Variants in AP1S3 observed in about 807,000 individuals in gnomAD.
The protein encoded by AP1S3 is adaptor related protein complex 1 subunit sigma 3, also known as AP-1 complex subunit sigma-3.
In AP1S3, 10 loss-of-function variants were observed where a neutral mutation model predicts 20.9. The observed-to-expected ratio is 0.48, with a 90% confidence interval of 0.29 to 0.81. The LOEUF (loss-of-function observed/expected upper bound fraction) is 0.81. Among genes scored for constraint, AP1S3 ranks in the 30% least tolerant of loss-of-function variants. The pLI is 0.08. For synonymous variants in AP1S3, 41 were observed against 61.5 expected (o/e 0.67, Z 1.56); for missense variants, 154 against 183.8 (o/e 0.84, Z 0.94).
chr2:223,808,977 A>G (rs1039403095), intron 1 of AP1S3, among the ~76,000 whole-genome samples: 4 of 152,254 alleles, frequency 2.6e-5, no homozygotes, highest in African/African-American at 9.6e-5. Context: ...CCTGGATGAC[A>G]CAGGGAGACC....
intron 1 of AP1S3, among the ~76,000 whole-genome samples, chr2:223,813,329 G>A (rs1038927417): frequency 5.9e-5 from 9 of 152,090 alleles, no homozygotes; most frequent in Admixed American, 4.6e-4. Flanking sequence ...CCTGGAGATG[G>A]TGTTCAGCCT....
intron 1 of AP1S3, among the ~76,000 whole-genome samples, chr2:223,802,693 A>G (rs1691496942): frequency 6.6e-6 from 1 of 152,036 alleles, no homozygotes; most frequent in Non-Finnish European, 1.5e-5. Context: ...ACTTTCATTT[A>G]CTCTGAAACA....
intron 1 of AP1S3, among the ~76,000 whole-genome samples, chr2:223,790,033 A>T (rs1184288194): frequency 1.3e-5 from 2 of 152,152 alleles, no homozygotes; most frequent in Non-Finnish European, 2.9e-5. Flanking sequence ...AAGCCCATCA[A>T]CACGAAACTT....
At chr2:223,814,207 G>A (rs1275595582) in intron 1 of AP1S3, among the ~76,000 whole-genome samples, 4 of 152,170 alleles carry the variant, frequency 2.6e-5, no homozygotes, top group African/African-American at 9.6e-5. Flanking sequence ...GTGACTCTGG[G>A]AGAAAGACTT....
intron 1 of AP1S3, among the ~76,000 whole-genome samples, chr2:223,817,607 CAA>C (rs748661983): frequency 0.011 from 875 of 81,176 alleles, 21 homozygotes; most frequent in African/African-American, 0.038. Flanking sequence ...GACTCCGTCT[CAA>C]AAAAAAAAAA....
At chr2:223,823,877 G>C (rs1692054864) in intron 1 of AP1S3, among the ~76,000 whole-genome samples, 1 of 152,138 alleles carries the variant, frequency 6.6e-6, no homozygotes, top group Non-Finnish European at 1.5e-5. Context: ...ATTTTTATGT[G>C]TCAGTTTTTA....
intron 1 of AP1S3, among the ~76,000 whole-genome samples, chr2:223,820,736 T>C (rs1253612411): frequency 1.3e-5 from 2 of 151,522 alleles, no homozygotes; most frequent in African/African-American, 4.9e-5. Flanking sequence ...GGAGAAAATT[T>C]CCTTTGCAAA....
At chr2:223,772,510 G>T (rs1003314915) in intron 3 of AP1S3, among the ~76,000 whole-genome samples, 6 of 152,168 alleles carry the variant, frequency 3.9e-5, no homozygotes, top group Non-Finnish European at 7.3e-5. Context: ...AATATGGCAG[G>T]TATCTAAATC....
At position 223,756,129 on chromosome 2, in the gene AP1S3, G is replaced by C. The variant is rs888973494; in HGVS notation, c.*2586C>G. ...CAAGGCGGGCGGATCACCTGAGGTC[G>C]GCGTTCAAGACCAGCCTGACCAACA... On this transcript the variant is annotated 3_prime_UTR_variant, in exon 5 of 5. Transcript: ENST00000396654. 8 of 766,098 alleles carry C rather than the reference G, an allele frequency of 1.0e-5. No homozygotes were observed. In the African/African-American group the frequency reaches 1.5e-4, roughly 15 times the overall value. The allele number at this position is 766,098 out of a possible 1,614,324, so 47.5% of individuals were successfully genotyped here.
chr2:223,814,040 T>C (rs962460604), intron 1 of AP1S3, among the ~76,000 whole-genome samples: 3 of 152,258 alleles, frequency 2.0e-5, no homozygotes, highest in Non-Finnish European at 4.4e-5. Context: ...CATTAACTTG[T>C]TAAGCACAAG....
intron 1 of AP1S3, among the ~76,000 whole-genome samples, chr2:223,811,672 T>C (rs1050087690): frequency 1.4e-4 from 21 of 152,228 alleles, no homozygotes; most frequent in African/African-American, 4.6e-4. Context: ...AATACAACTA[T>C]TGATGCTGGG....
chr2:223,778,709 TC>T (rs370650885), intron 1 of AP1S3, among the ~76,000 whole-genome samples: 2,452 of 150,520 alleles, frequency 0.016, 81 homozygotes, highest in African/African-American at 0.057. Flanking sequence ...TTTTTTTTTT[TC>T]TTTTGAGACA....
intron 3 of AP1S3, among the ~76,000 whole-genome samples, chr2:223,770,532 C>CACACACACA (rs60585278): frequency 0.12 from 10,553 of 89,312 alleles, 752 homozygotes; most frequent in East Asian, 0.22. Context: ...ACACACACAC[C>CACACACACA]CCTTGATATA....
Position 223,837,488 on chromosome 2 carries a change from GGAGCGCTGGAGAAGCGAGGGCGAGAGGC to G in AP1S3, c.-66_-39del. On this transcript the variant is annotated 5_prime_UTR_variant, in exon 1 of 5. Transcript: ENST00000396654. ...GCCGCCTCCCCCGCCTTGCGAGCAAGGAGCGCTGGAGAAGCGAGGGCGAGAGGCGAGCGCTGGAGCCGGTGCGGCTGAC... is the reference window on the plus strand; with the variant it reads ...GCCGCCTCCCCCGCCTTGCGAGCAAGGAGCGCTGGAGCCGGTGCGGCTGAC... 1.6e-6 allele frequency: 2 copies of G among 1,273,998 alleles called. No homozygotes were observed. Among genetic ancestry groups the G allele is most frequent in the Non-Finnish European group, 2.0e-6 (2 of 1,006,644 alleles). The allele number at this position is 1,273,998 out of a possible 1,614,324, so 78.9% of individuals were successfully genotyped here. A position where few individuals can be genotyped will look rare whatever the true frequency, so the allele number is the denominator to read the frequency against.
intron 1 of AP1S3, among the ~76,000 whole-genome samples, chr2:223,826,578 G>C (rs1489118436): frequency 6.8e-6 from 1 of 147,278 alleles, no homozygotes; most frequent in Non-Finnish European, 1.5e-5. Flanking sequence ...GGGTGACAGA[G>C]AGAGACTCCG....
intron 1 of AP1S3, among the ~76,000 whole-genome samples, chr2:223,816,417 A>G (rs750959092): frequency 1.2e-4 from 19 of 152,202 alleles, no homozygotes; most frequent in Non-Finnish European, 2.9e-5. Flanking sequence ...AAGCAAAGCC[A>G]GGTTTCCGGG....
chr2:223,834,645 TACTCAAGAAGCTG>T (rs60175502), intron 1 of AP1S3, among the ~76,000 whole-genome samples: 23,240 of 151,830 alleles, frequency 0.15, 2,326 homozygotes, highest in East Asian at 0.41. Flanking sequence ...CAGTCCCAGC[TACTCAAGAAGCTG>T]AGGTAGGAGG....
At chr2:223,779,967 C>CA (rs560385566) in intron 1 of AP1S3, among the ~76,000 whole-genome samples, 114 of 147,372 alleles carry the variant, frequency 7.7e-4, no homozygotes, top group Non-Finnish European at 1.3e-3. Context: ...AACTCCGTCT[C>CA]AAAAAAAAAC....
intron 4 of AP1S3, among the ~76,000 whole-genome samples, chr2:223,760,317 G>C (rs908410316): frequency 6.6e-6 from 1 of 152,140 alleles, no homozygotes; most frequent in Non-Finnish European, 1.5e-5. Context: ...GAACCTGCCA[G>C]GAAATACGCT....
Sources: gnomAD v4.1 joint callset for allele counts (sites outside exome capture counted in the v4.1 genomes callset) on GRCh38, gnomAD v4.1.1 for gene constraint, MANE v1.5 for transcripts, NCBI Gene and HGNC (gene_info 2026-07-23, HGNC 2026-07-21) for gene names.